Variants in AFG1L observed in about 807,000 individuals in gnomAD.
The protein encoded by AFG1L is AFG1-like ATPase.
A neutral mutation model predicts 62.2 loss-of-function variants in AFG1L; 53 were observed. That is an observed-to-expected ratio of 0.85 (90% confidence interval 0.68 to 1.07). AFG1L has a LOEUF of 1.07. Ranked by LOEUF, AFG1L falls within the 50% of genes least tolerant of loss-of-function variation. The probability of loss-of-function intolerance (pLI) is 0.00; values close to 1 mark genes in which losing one functional copy is unlikely to be tolerated. For missense variants in AFG1L, 555 were observed against 590.5 expected (o/e 0.94, Z 0.62); for synonymous variants, 228 against 210.3 (o/e 1.08, Z -0.73).
chr6:108,327,010 G>A (rs1244532009), intron 2 of AFG1L, among the ~76,000 whole-genome samples: 1 of 152,070 alleles, frequency 6.6e-6, no homozygotes, highest in Non-Finnish European at 1.5e-5. Context: ...ACTTTGGGAG[G>A]CCAGGGTGGA....
chr6:108,309,306 A>C (rs971366454), intron 1 of AFG1L, among the ~76,000 whole-genome samples: 6 of 152,166 alleles, frequency 3.9e-5, no homozygotes, highest in Non-Finnish European at 8.8e-5. Context: ...GACATAAATC[A>C]AGTGACCGTG....
intron 6 of AFG1L, among the ~76,000 whole-genome samples, chr6:108,389,321 C>A (rs537444866): frequency 1.2e-3 from 186 of 152,288 alleles, no homozygotes; most frequent in African/African-American, 4.1e-3. Flanking sequence ...TGGGTCTTGA[C>A]TCTTTATCCA....
intron 8 of AFG1L, among the ~76,000 whole-genome samples, chr6:108,449,820 C>T (rs1771978449): frequency 6.6e-6 from 1 of 152,120 alleles, no homozygotes; most frequent in South Asian, 2.1e-4. Flanking sequence ...TCTCATTGTT[C>T]AATTCCCACC....
intron 7 of AFG1L, 22 bp downstream of exon 7, chr6:108,402,076 G>A: frequency 3.0e-6 from 4 of 1,316,208 alleles, no homozygotes; most frequent in Non-Finnish European, 4.2e-6. Flanking sequence ...TCATTTATTT[G>A]TGTTTACTAA....
intron 7 of AFG1L, among the ~76,000 whole-genome samples, chr6:108,409,799 GC>G (rs1054681673): frequency 1.3e-5 from 2 of 152,142 alleles, no homozygotes; most frequent in African/African-American, 4.8e-5. Flanking sequence ...ATAAAATGAT[GC>G]TGGAATAATC....
rs1390204385 is a variant in AFG1L at position 108,445,631 on chromosome 6, GGTGAGAGAGAGAGAGA to G, written c.808-1581_808-1566del. Among the ~76,000 whole-genome samples, 110 of 110,404 alleles carry G rather than the reference GGTGAGAGAGAGAGAGA, an allele frequency of 1.0e-3. 1 individual carries two copies. The highest frequency in any genetic ancestry group is 1.6e-3 in the Non-Finnish European group (90 of 55,318). 72.4% of individuals were successfully genotyped at this position (110,404 alleles called of 152,430 possible). ...TTTCTCAGAGCATAGGGACACCTAAGGTGAGAGAGAGAGAGAGAGAGAGAGAGAGAGAGAGAGAGAG... is the reference window on the plus strand; with the variant it reads ...TTTCTCAGAGCATAGGGACACCTAAGGAGAGAGAGAGAGAGAGAGAGAGAG... On this transcript the variant is annotated intron_variant, in intron 7 of 12. Coordinates refer to ENST00000368977, the MANE Select transcript of AFG1L (RefSeq NM_145315.5).
intron 7 of AFG1L, among the ~76,000 whole-genome samples, chr6:108,433,613 A>AGATGGATCTCACTCTGT (rs1423797472): frequency 7.3e-6 from 1 of 136,398 alleles, no homozygotes; most frequent in Admixed American, 7.4e-5. Context: ...TTATTTTTTG[A>AGATGGATCTCACTCTGT]GATGGATCTC....
intron 10 of AFG1L, among the ~76,000 whole-genome samples, chr6:108,485,645 TATATATATA>T (rs1773525692): frequency 9.6e-5 from 2 of 20,878 alleles, no homozygotes; most frequent in African/African-American, 2.5e-4. Flanking sequence ...TATATATATA[TATATATATA>T]TATTTTTTTT....
At chr6:108,485,103 A>G (rs1356037464) in intron 10 of AFG1L, among the ~76,000 whole-genome samples, 1 of 152,204 alleles carries the variant, frequency 6.6e-6, no homozygotes, top group East Asian at 1.9e-4. Context: ...CTTCACTGGC[A>G]AATTTTCTGT....
Position 108,295,190 on chromosome 6 carries a change from C to T in AFG1L, c.111C>T (p.Ala37=). The change falls in exon 1 of 13, where the codon GCC becomes GCT. Residue 37 remains alanine, a synonymous_variant. Transcript: ENST00000368977. The part of the protein sequence containing the change: ...GAWAAALAPL[A]TAPGKPFWKA... ...GGGCCGCCGCTCTCGCTCCTCTGGC[C>T]ACCGCCCCTGGGAAGCCCTTTTGGA... The T allele has an allele frequency of 6.2e-7, 1 of 1,606,634 alleles. No individual in the cohort carries two copies. The highest frequency in any genetic ancestry group is 8.5e-7 in the Non-Finnish European group (1 of 1,179,886).
At chr6:108,311,489 T>TTTTGTTTTGTTTTCTTTTTTTGCTTG (rs1562466747) in intron 1 of AFG1L, among the ~76,000 whole-genome samples, 5 of 152,144 alleles carry the variant, frequency 3.3e-5, no homozygotes, top group African/African-American at 1.2e-4. Flanking sequence ...CTACCTTTTG[T>TTTTGTTTTGTTTTCTTTTTTTGCTTG]TTTGTTTTGT....
At chr6:108,315,599 G>A (rs1336178803) in intron 1 of AFG1L, among the ~76,000 whole-genome samples, 1 of 151,794 alleles carries the variant, frequency 6.6e-6, no homozygotes. Flanking sequence ...TGCTTTTTTA[G>A]AGATAGGGGC....
intron 2 of AFG1L, among the ~76,000 whole-genome samples, chr6:108,341,247 T>G (rs1778671237): frequency 2.0e-5 from 3 of 152,246 alleles, no homozygotes; most frequent in African/African-American, 7.2e-5. Context: ...TCTTTCTGGC[T>G]TAGCATATGG....
intron 3 of AFG1L, among the ~76,000 whole-genome samples, chr6:108,351,304 C>T (rs568817391): frequency 3.3e-4 from 51 of 152,300 alleles, no homozygotes; most frequent in South Asian, 1.5e-3. Context: ...AGAAGTTTTT[C>T]AGCTTCTTTA....
rs1237077053 is a variant in AFG1L, at chr6:108,523,077, A to G, written c.*652A>G. 5 of 151,824 alleles carry G rather than the reference A, an allele frequency of 3.3e-5. No homozygotes were observed. The highest frequency in any genetic ancestry group is 7.4e-5 in the Non-Finnish European group (5 of 67,928). The allele number at this position is 151,824 out of a possible 1,614,324, so 9.4% of individuals were successfully genotyped here. A position where few individuals can be genotyped will look rare whatever the true frequency, so the allele number is the denominator to read the frequency against. On this transcript the variant is annotated 3_prime_UTR_variant, in exon 13 of 13. Coordinates refer to ENST00000368977, the MANE Select transcript of AFG1L (RefSeq NM_145315.5). ...AAAATAGAAAATTATGATGGGATCA[A>G]ATAAGGAGCAAGTGTCAAATTCCAG...
chr6:108,430,040 T>C (rs1771001052), intron 7 of AFG1L, among the ~76,000 whole-genome samples: 4 of 151,886 alleles, frequency 2.6e-5, no homozygotes, highest in African/African-American at 9.7e-5. Flanking sequence ...CTCCACCTCC[T>C]GGGTTCAAGC....
chr6:108,505,844 A>G (rs1428534805), intron 10 of AFG1L, among the ~76,000 whole-genome samples: 1 of 152,224 alleles, frequency 6.6e-6, no homozygotes, highest in Non-Finnish European at 1.5e-5. Context: ...GGAGAGTATG[A>G]CGTTTAACCT....
intron 8 of AFG1L, among the ~76,000 whole-genome samples, chr6:108,463,410 T>C (rs1360009131): frequency 1.1e-4 from 2 of 18,480 alleles, no homozygotes; most frequent in Non-Finnish European, 1.7e-4. Flanking sequence ...TTCTCCCTCC[T>C]TTTTTTTTTT....
chr6:108,390,561 CTGTT>C (rs142264987), intron 6 of AFG1L, among the ~76,000 whole-genome samples: 6,462 of 152,248 alleles, frequency 0.042, 211 homozygotes, highest in South Asian at 0.1. Flanking sequence ...GATGTCCTTT[CTGTT>C]TGTTAGTTTT....
Sources: gnomAD v4.1 joint callset for allele counts (sites outside exome capture counted in the v4.1 genomes callset) on GRCh38, gnomAD v4.1.1 for gene constraint, MANE v1.5 for transcripts, NCBI Gene and HGNC (gene_info 2026-07-23, HGNC 2026-07-21) for gene names.